OPCML: variants seen among roughly 807,000 people sequenced by gnomAD.
OPCML encodes the protein opioid binding protein/cell adhesion molecule like, also known as opioid-binding protein/cell adhesion molecule.
In OPCML, 13 loss-of-function variants were observed where a neutral mutation model predicts 37.8. That is an observed-to-expected ratio of 0.34 (90% CI 0.22 to 0.55). OPCML has a LOEUF of 0.55. Ranked by LOEUF, OPCML falls within the 20% of genes least tolerant of loss-of-function variation. The probability of loss-of-function intolerance (pLI) is 0.91; values close to 1 mark genes in which losing one functional copy is unlikely to be tolerated. For missense variants in OPCML, 341 were observed against 435.6 expected (o/e 0.78, Z 1.93); for synonymous variants, 176 against 168.8 (o/e 1.04, Z -0.33).
chr11:133,326,545 G>C (rs1306861200), intron 1 of OPCML, among the ~76,000 whole-genome samples: 1 of 145,736 alleles, frequency 6.9e-6, no homozygotes, highest in Non-Finnish European at 1.5e-5. Flanking sequence ...GGGGGAGTGG[G>C]TGTGGGTATA....
chr11:132,443,556 A>G (rs2096043915), intron 4 of OPCML, among the ~76,000 whole-genome samples: 1 of 152,238 alleles, frequency 6.6e-6, no homozygotes, highest in Non-Finnish European at 1.5e-5. Flanking sequence ...TAAGGCCACA[A>G]CTAGGCTGCC....
chr11:132,624,554 A>G (rs1024684014), intron 3 of OPCML, among the ~76,000 whole-genome samples: 5 of 152,046 alleles, frequency 3.3e-5, no homozygotes, highest in Admixed American at 1.3e-4. Context: ...CTGGGCTCCA[A>G]TGATTACATC....
chr11:132,523,843 G>A (rs953090557), intron 4 of OPCML, among the ~76,000 whole-genome samples: 6 of 152,322 alleles, frequency 3.9e-5, no homozygotes, highest in South Asian at 2.1e-4. Context: ...GCATAAAAGA[G>A]TCAGCTTTGG....
chr11:132,614,583 A>T (rs1938871572), intron 3 of OPCML, among the ~76,000 whole-genome samples: 1 of 152,150 alleles, frequency 6.6e-6, no homozygotes, highest in Non-Finnish European at 1.5e-5. Flanking sequence ...CTTATGTAGG[A>T]CAAGGTCTAC....
chr11:132,584,663 G>T (rs756376558), intron 3 of OPCML, among the ~76,000 whole-genome samples: 2 of 152,148 alleles, frequency 1.3e-5, no homozygotes, highest in Non-Finnish European at 2.9e-5. Flanking sequence ...GAGTGAAGAT[G>T]ATCAGATCCC....
At chr11:133,074,677 G>A (rs967685159) in intron 1 of OPCML, among the ~76,000 whole-genome samples, 8 of 152,160 alleles carry the variant, frequency 5.3e-5, no homozygotes, top group South Asian at 2.1e-4. Flanking sequence ...TTCACAGGTC[G>A]TGAGCAGCAG....
intron 2 of OPCML, among the ~76,000 whole-genome samples, chr11:132,882,771 C>T (rs544972768): frequency 1.3e-5 from 2 of 152,248 alleles, no homozygotes; most frequent in Non-Finnish European, 1.5e-5. Flanking sequence ...CAAATGCTTA[C>T]ATCTGCTTGA....
chr11:132,524,316 T>C (rs1355163094), intron 4 of OPCML, among the ~76,000 whole-genome samples: 1 of 152,194 alleles, frequency 6.6e-6, no homozygotes, highest in Non-Finnish European at 1.5e-5. Context: ...TTTTGGGACC[T>C]GACTTTTTCC....
At chr11:133,165,939 T>TA (rs1950203053) in intron 1 of OPCML, among the ~76,000 whole-genome samples, 1 of 152,194 alleles carries the variant, frequency 6.6e-6, no homozygotes, top group Non-Finnish European at 1.5e-5. Context: ...GATCCAGCTG[T>TA]AAGGCCAGCG....
At chr11:133,143,024 C>G (rs1047925775) in intron 1 of OPCML, among the ~76,000 whole-genome samples, 1 of 152,150 alleles carries the variant, frequency 6.6e-6, no homozygotes, top group Non-Finnish European at 1.5e-5. Flanking sequence ...TCTCCAGAGA[C>G]CACGTTCCTC....
chr11:132,913,391 T>C (rs1565958904), intron 2 of OPCML, among the ~76,000 whole-genome samples: 1 of 152,232 alleles, frequency 6.6e-6, no homozygotes, highest in East Asian at 1.9e-4. Flanking sequence ...GATCCATTAG[T>C]AAACATTGGT....
intron 4 of OPCML, among the ~76,000 whole-genome samples, chr11:132,468,045 G>T (rs144209266): frequency 3.3e-5 from 5 of 152,136 alleles, no homozygotes; most frequent in Admixed American, 2.6e-4. Flanking sequence ...AGGTTGAAAG[G>T]AAGGCGTACT....
intron 1 of OPCML, among the ~76,000 whole-genome samples, chr11:133,363,061 G>A (rs771134137): frequency 7.2e-5 from 11 of 152,174 alleles, no homozygotes; most frequent in Non-Finnish European, 1.5e-4. Flanking sequence ...GACAAGAAAG[G>A]GCAATACCCT....
intron 1 of OPCML, among the ~76,000 whole-genome samples, chr11:133,042,889 C>T (rs1176248660): frequency 6.6e-6 from 1 of 152,070 alleles, no homozygotes; most frequent in Non-Finnish European, 1.5e-5. Flanking sequence ...TGGCATCAAC[C>T]TGCTACTGTA....
At chr11:132,445,875 C>G (rs1042023999) in intron 4 of OPCML, among the ~76,000 whole-genome samples, 1 of 152,152 alleles carries the variant, frequency 6.6e-6, no homozygotes, top group African/African-American at 2.4e-5. Context: ...CTCAGATCTC[C>G]TGTCAACTGT....
intron 1 of OPCML, among the ~76,000 whole-genome samples, chr11:133,151,130 G>A (rs1251542680): frequency 2.6e-5 from 4 of 151,674 alleles, no homozygotes; most frequent in Non-Finnish European, 2.9e-5. Flanking sequence ...AAAATTAGCT[G>A]GGCGTGGTGG....
chr11:132,934,761 C>T (rs1945317360), intron 2 of OPCML, among the ~76,000 whole-genome samples: 1 of 152,116 alleles, frequency 6.6e-6, no homozygotes, highest in Non-Finnish European at 1.5e-5. Context: ...TCTTTTCTGT[C>T]CTTTATCTAT....
At chr11:132,580,851 A>C (rs2096460718) in intron 3 of OPCML, among the ~76,000 whole-genome samples, 1 of 152,204 alleles carries the variant, frequency 6.6e-6, no homozygotes, top group Admixed American at 6.5e-5. Flanking sequence ...CAGAAGAATT[A>C]ATTCCATAGG....
chr11:133,253,874 C>A (rs1941231236), intron 1 of OPCML, among the ~76,000 whole-genome samples: 1 of 127,114 alleles, frequency 7.9e-6, no homozygotes, highest in African/African-American at 2.9e-5. Context: ...CCTTCCCTTC[C>A]CTTCCCTTCT....
Sources: gnomAD v4.1 joint callset for allele counts (sites outside exome capture counted in the v4.1 genomes callset) on GRCh38, gnomAD v4.1.1 for gene constraint, MANE v1.5 for transcripts, NCBI Gene and HGNC (gene_info 2026-07-23, HGNC 2026-07-21) for gene names.